The following PPP1R21 variants were observed in gnomAD, a reference collection of about 807,000 sequenced individuals.
The protein encoded by PPP1R21 is KLRAQ motif containing 1.
PPP1R21 carries 85 observed loss-of-function variants against 112.8 expected under a neutral mutation model. That is an observed-to-expected ratio of 0.75 (90% CI 0.63 to 0.90). The LOEUF is 0.90. PPP1R21 is among the 40% of genes least tolerant of loss of function. The pLI, the probability that PPP1R21 is intolerant of heterozygous loss-of-function variation, is 0.00. For synonymous variants in PPP1R21, 381 were observed against 322.3 expected (o/e 1.18, Z -1.95); for missense variants, 1,199 against 901.5 (o/e 1.33, Z -4.23).
At chr2:48,472,825 C>T (rs1298058004) in intron 11 of PPP1R21, among the ~76,000 whole-genome samples, 1 of 151,498 alleles carries the variant, frequency 6.6e-6, no homozygotes, top group Non-Finnish European at 1.5e-5. Context: ...GTGGCCTGTG[C>T]CTGTAGTCCT....
At chr2:48,483,462 C>T (rs1276100848) in intron 13 of PPP1R21, among the ~76,000 whole-genome samples, 2 of 152,050 alleles carry the variant, frequency 1.3e-5, no homozygotes, top group South Asian at 2.1e-4. Flanking sequence ...GGATTATAGG[C>T]GTGAGCCACT....
chr2:48,462,866 A>G (rs1318339799), intron 7 of PPP1R21, among the ~76,000 whole-genome samples: 3 of 152,108 alleles, frequency 2.0e-5, no homozygotes, highest in Admixed American at 2.0e-4. Context: ...TTGGCGTACT[A>G]TTGTGGAGGC....
intron 14 of PPP1R21, among the ~76,000 whole-genome samples, 169 bp downstream of exon 14, chr2:48,486,927 T>C (rs568614873): frequency 1.3e-5 from 2 of 152,340 alleles, no homozygotes; most frequent in South Asian, 2.1e-4. Context: ...CTCTGACTTA[T>C]TATTTTAAGA....
intron 14 of PPP1R21, 130 bp downstream of exon 14, chr2:48,486,888 T>G (rs1255481099): frequency 2.1e-6 from 2 of 965,478 alleles, no homozygotes; most frequent in African/African-American, 3.3e-5. Context: ...AAGTTGTCTC[T>G]CTTTCCTCTG....
chr2:48,489,027 AC>A (rs1669438117), intron 14 of PPP1R21, among the ~76,000 whole-genome samples: 1 of 152,230 alleles, frequency 6.6e-6, no homozygotes, highest in African/African-American at 2.4e-5. Flanking sequence ...ATACTACCTA[AC>A]GTAGAATTTC....
chr2:48,510,769 T>C (rs1428769820), intron 20 of PPP1R21, among the ~76,000 whole-genome samples: 1 of 152,136 alleles, frequency 6.6e-6, no homozygotes, highest in Non-Finnish European at 1.5e-5. Context: ...ATGGAGGCAA[T>C]GTGTTGTAGG....
rs546913139 is a variant in PPP1R21 at position 48,461,146 on chromosome 2, A to G, written c.608A>G (p.Gln203Arg). Residue 203 changes from glutamine to arginine, a missense_variant, in exon 7 of 22, where the codon CAG (glutamine) becomes CGG (arginine). Physicochemically the swap from Gln to Arg is conservative, Grantham distance 43. Transcript: ENST00000294952. ...CRLRTEECQL[Q>R]LKTLHEDLSG... is the part of the protein sequence containing the mutation. ...TTTTTTTTTTTTTGCAGTCAATTAC[A>G]GTTAAAGACTCTTCATGAAGATTTG... 8 of 1,572,858 alleles carry G rather than the reference A, an allele frequency of 5.1e-6. No individual in the cohort carries two copies. Among genetic ancestry groups the G allele is most frequent in the African/African-American group, 1.4e-5 (1 of 71,436 alleles).
At chr2:48,457,860 C>T (rs747658950) in intron 3 of PPP1R21, 2 of 363,732 alleles carry the variant, frequency 5.5e-6, no homozygotes, top group African/African-American at 4.2e-5. Flanking sequence ...CAGAACTACT[C>T]CTGAATTCAT....
chr2:48,507,413 G>T lies in PPP1R21; in HGVS notation c.2085+28G>T, dbSNP rs777099292. The T allele has an allele frequency of 7.6e-6, 12 of 1,586,222 alleles. No individual in the cohort carries two copies. The African/African-American group carries it at 9.6e-5, about 13-fold the overall frequency. ...GAGTGTAGATTTAATTAGATTGGTG[G>T]TTTTTTTCCTAACCCCTGCAGGAGT... On this transcript the variant is annotated intron_variant, in intron 19 of 21. Coordinates refer to ENST00000294952, the MANE Select transcript of PPP1R21 (RefSeq NM_001135629.3).
intron 15 of PPP1R21, among the ~76,000 whole-genome samples, chr2:48,491,557 AAAGAG>A (rs1316546575): frequency 1.3e-5 from 2 of 151,100 alleles, no homozygotes; most frequent in Non-Finnish European, 3.0e-5. Flanking sequence ...AAGAAAAAAA[AAAGAG>A]AGAAGATACT....
chr2:48,451,454 C>G (rs966366135), intron 2 of PPP1R21, among the ~76,000 whole-genome samples: 7 of 152,160 alleles, frequency 4.6e-5, no homozygotes, highest in Non-Finnish European at 5.9e-5. Context: ...CAGCAGATGG[C>G]AGGTCTCTAA....
intron 3 of PPP1R21, among the ~76,000 whole-genome samples, chr2:48,455,615 A>G (rs922144027): frequency 1.2e-4 from 18 of 152,244 alleles, no homozygotes; most frequent in African/African-American, 4.3e-4. Context: ...ACAGTGGAAT[A>G]TCTTATATTA....
chr2:48,512,372 T>G (rs1490587807), intron 21 of PPP1R21, among the ~76,000 whole-genome samples: 1 of 151,894 alleles, frequency 6.6e-6, no homozygotes, highest in Non-Finnish European at 1.5e-5. Context: ...TGGCATCATC[T>G]CATGTGCTTA....
In PPP1R21 at chr2:48,443,159, C is replaced by T. The variant is rs543896621; in HGVS notation, c.57+2149C>T. On this transcript the variant is annotated intron_variant, in intron 1 of 21. Transcript: ENST00000294952. ...GTGTGCATGGCACTAACCAAACATA[C>T]AAGGCACTCATCCTTGTGTCTCATT... Among the ~76,000 whole-genome samples the T allele has an allele frequency of 1.5e-3, 221 of 152,234 alleles. 10 individuals carry two copies. In the South Asian group the frequency reaches 0.043, roughly 30 times the overall value.
chr2:48,497,691 G>A (rs955600992), intron 16 of PPP1R21, among the ~76,000 whole-genome samples: 26 of 139,480 alleles, frequency 1.9e-4, no homozygotes, highest in East Asian at 4.2e-4. Context: ...TTACTCTGTC[G>A]CCCAGGCTGG....
Position 48,469,299 on chromosome 2 carries a change from GTATA to G in PPP1R21, c.898-1781_898-1778del, listed in dbSNP as rs1383375942. Among the ~76,000 whole-genome samples, 141 of 67,912 alleles carry G rather than the reference GTATA, an allele frequency of 2.1e-3. 2 individuals carry two copies. Among genetic ancestry groups the G allele is most frequent in the Middle Eastern group, 7.2e-3 (1 of 138 alleles). 44.6% of individuals were successfully genotyped at this position (67,912 alleles called of 152,430 possible). On this transcript the variant is annotated intron_variant, in intron 9 of 21. Coordinates refer to ENST00000294952, the MANE Select transcript of PPP1R21 (RefSeq NM_001135629.3). ...TGTGTGTGTGTGTGTGTGTGTGTATGTATATATATACACACACACACATATATAT... is the reference window on the plus strand; with the variant it reads ...TGTGTGTGTGTGTGTGTGTGTGTATGTATATACACACACACACATATATAT...
At chr2:48,445,502 C>G (rs1385783109) in intron 1 of PPP1R21, among the ~76,000 whole-genome samples, 1 of 152,112 alleles carries the variant, frequency 6.6e-6, no homozygotes, top group Non-Finnish European at 1.5e-5. Flanking sequence ...ACTGCTGATT[C>G]TGGTTTAGTA....
intron 17 of PPP1R21, among the ~76,000 whole-genome samples, chr2:48,501,648 A>G (rs916776114): frequency 6.6e-6 from 1 of 152,170 alleles, no homozygotes; most frequent in African/African-American, 2.4e-5. Context: ...AATAGCCGAC[A>G]TAAACTCATT....
rs568821214 is a variant in PPP1R21 at position 48,456,902 on chromosome 2, A to T, written c.274-1224A>T. Among the ~76,000 whole-genome samples, 9 of 152,252 alleles carry T rather than the reference A, an allele frequency of 5.9e-5. 1 individual carries two copies. The highest frequency in any genetic ancestry group is 1.9e-4 in the African/African-American group (8 of 41,556). The stretch of plus-strand genomic sequence containing the variant: ...CCTGTCTCTACTAAAAATACAAAAA[A>T]TTAGCCCAGCATGGTGGTATGTGCC... On this transcript the variant is annotated intron_variant, in intron 3 of 21. Transcript: ENST00000294952.
Sources: allele counts gnomAD v4.1 joint callset (sites outside exome capture counted in the v4.1 genomes callset), GRCh38; gene constraint gnomAD v4.1.1; transcripts MANE v1.5; gene names NCBI Gene and HGNC (gene_info 2026-07-23, HGNC 2026-07-21).